Variants in FSD1L observed in about 807,000 individuals in gnomAD.
The protein encoded by FSD1L is fibronectin type III and SPRY domain containing 1 like, also known as FSD1-like protein.
In FSD1L, 45 loss-of-function variants were observed where a neutral mutation model predicts 71.6. The ratio of observed to expected loss-of-function variants is 0.63; its 90% CI spans 0.49 to 0.81. The LOEUF (loss-of-function observed/expected upper bound fraction) is 0.81. Ranked by LOEUF, FSD1L falls within the 30% of genes least tolerant of loss-of-function variation. The pLI, the probability that FSD1L is intolerant of heterozygous loss-of-function variation, is 0.00. For missense variants in FSD1L, 561 were observed against 618.1 expected (o/e 0.91, Z 0.98); for synonymous variants, 197 against 207.2 (o/e 0.95, Z 0.42).
intron 4 of FSD1L, 22 bp from the exon 5 acceptor site, chr9:105,471,882 G>GTTTTTT: frequency 4.0e-6 from 3 of 743,536 alleles, no homozygotes; most frequent in Non-Finnish European, 5.9e-6. Context: ...TAATGACTTA[G>GTTTTTT]TTTTTTTTTT....
intron 10 of FSD1L, among the ~76,000 whole-genome samples, chr9:105,516,006 C>CG (rs956487288): frequency 3.2e-4 from 49 of 152,208 alleles, no homozygotes; most frequent in Admixed American, 1.3e-3. Flanking sequence ...ATAGCTTGGT[C>CG]GGGGGAGGGG....
chr9:105,443,074 G>A (rs1247812476), upstream of FSD1L, among the ~76,000 whole-genome samples: 1 of 152,186 alleles, frequency 6.6e-6, no homozygotes, highest in African/African-American at 2.4e-5. Flanking sequence ...CACTAGTCAG[G>A]TTTGTGTCCA....
intron 7 of FSD1L, among the ~76,000 whole-genome samples, chr9:105,498,959 CA>C (rs1420312139): frequency 1.3e-5 from 2 of 152,102 alleles, no homozygotes; most frequent in African/African-American, 4.8e-5. Flanking sequence ...TGGGACTTTG[CA>C]GCTATATATC....
chr9:105,495,252 G>T (rs1425983320), intron 7 of FSD1L, among the ~76,000 whole-genome samples: 3 of 152,208 alleles, frequency 2.0e-5, no homozygotes, highest in African/African-American at 7.2e-5. Context: ...TTTGATCTCA[G>T]ACTGCTGTGC....
intron 10 of FSD1L, chr9:105,530,440 C>T: frequency 1.9e-6 from 1 of 513,996 alleles, no homozygotes; most frequent in South Asian, 3.0e-5. Context: ...AATTAAACTG[C>T]CAATGTCAAT....
chr9:105,491,794 A>C (rs1357751858), intron 7 of FSD1L, among the ~76,000 whole-genome samples: 4 of 152,042 alleles, frequency 2.6e-5, no homozygotes, highest in African/African-American at 9.7e-5. Context: ...TGTATGCTGG[A>C]TTACATTTAT....
At chr9:105,538,841 G>A (rs970506251) in intron 12 of FSD1L, among the ~76,000 whole-genome samples, 22 of 152,194 alleles carry the variant, frequency 1.4e-4, no homozygotes, top group African/African-American at 5.1e-4. Flanking sequence ...TATCAGTATC[G>A]CATCAGGTAG....
intron 8 of FSD1L, 28 bp from the exon 9 acceptor site, chr9:105,508,589 T>A (rs1834208287): frequency 7.5e-7 from 1 of 1,340,782 alleles, no homozygotes; most frequent in Non-Finnish European, 1.0e-6. Context: ...ACTGTACATG[T>A]CTGAAAACCA....
intron 7 of FSD1L, among the ~76,000 whole-genome samples, chr9:105,502,338 G>A (rs542524350): frequency 1.9e-4 from 29 of 152,188 alleles, no homozygotes; most frequent in African/African-American, 6.5e-4. Context: ...ATTTAACTTA[G>A]GAAGAAAACT....
intron 3 of FSD1L, among the ~76,000 whole-genome samples, chr9:105,464,855 A>G (rs906449959): frequency 6.6e-6 from 1 of 151,832 alleles, no homozygotes; most frequent in African/African-American, 2.4e-5. Flanking sequence ...TGGCATACAC[A>G]TGTCATCCCA....
chr9:105,496,030 A>G (rs183674231), intron 7 of FSD1L, among the ~76,000 whole-genome samples: 10 of 151,734 alleles, frequency 6.6e-5, no homozygotes, highest in Non-Finnish European at 1.0e-4. Context: ...TCTTTTGCAA[A>G]TATTGTCTCC....
intron 7 of FSD1L, among the ~76,000 whole-genome samples, chr9:105,496,111 C>G (rs1256034905): frequency 6.6e-6 from 1 of 151,612 alleles, no homozygotes; most frequent in Non-Finnish European, 1.5e-5. Context: ...AATGTTTAGC[C>G]TATCTTACTG....
chr9:105,480,711 T>G (rs1294320501), intron 6 of FSD1L, among the ~76,000 whole-genome samples: 1 of 152,174 alleles, frequency 6.6e-6, no homozygotes, highest in African/African-American at 2.4e-5. Context: ...TGAAAAATAT[T>G]AGCTGTGTGA....
At chr9:105,505,507 C>T (rs1388230518) in intron 7 of FSD1L, among the ~76,000 whole-genome samples, 1 of 152,206 alleles carries the variant, frequency 6.6e-6, no homozygotes, top group Non-Finnish European at 1.5e-5. Context: ...GATCTGCCTG[C>T]CTTGGCCTCC....
At chr9:105,496,314 G>A (rs1439078404) in intron 7 of FSD1L, among the ~76,000 whole-genome samples, 1 of 150,540 alleles carries the variant, frequency 6.6e-6, no homozygotes, top group Non-Finnish European at 1.5e-5. Flanking sequence ...ATGTCTGAGA[G>A]TTGACTAGTT....
upstream of FSD1L, among the ~76,000 whole-genome samples, chr9:105,444,760 A>G (rs937744072): frequency 6.6e-6 from 1 of 152,170 alleles, no homozygotes; most frequent in Non-Finnish European, 1.5e-5. Flanking sequence ...TGATATTTTT[A>G]TGCCTCTGTA....
intron 9 of FSD1L, among the ~76,000 whole-genome samples, chr9:105,511,694 A>G (rs1303042753): frequency 6.6e-6 from 1 of 152,134 alleles, no homozygotes; most frequent in Non-Finnish European, 1.5e-5. Context: ...ACAATGAACA[A>G]TAGCTCCAAT....
chr9:105,456,183 C>T (rs1830346449), intron 1 of FSD1L, among the ~76,000 whole-genome samples: 1 of 152,112 alleles, frequency 6.6e-6, no homozygotes, highest in Non-Finnish European at 1.5e-5. Context: ...CCTCTGATCT[C>T]TGTTTTATTA....
At chr9:105,522,470 T>C (rs1835233159) in intron 10 of FSD1L, 2 of 1,613,808 alleles carry the variant, frequency 1.2e-6, no homozygotes, top group South Asian at 2.2e-5. Flanking sequence ...CAACCACTGG[T>C]TCTCCAGGAA....
Sources: gnomAD v4.1 joint callset for allele counts (sites outside exome capture counted in the v4.1 genomes callset) on GRCh38, gnomAD v4.1.1 for gene constraint, MANE v1.5 for transcripts, NCBI Gene and HGNC (gene_info 2026-07-23, HGNC 2026-07-21) for gene names.